Variants in ETV5 observed in about 807,000 individuals in gnomAD.
ETV5 encodes ETS variant transcription factor 5.
Under a neutral mutation model 70.0 loss-of-function variants are expected in ETV5, and 10 were observed. That is an observed-to-expected ratio of 0.14 (90% CI 0.09 to 0.24). The LOEUF is 0.24. ETV5 is among the 10% of genes least tolerant of loss of function. The pLI is 1.00. For missense variants in ETV5, 453 were observed against 651.2 expected (o/e 0.70, Z 3.31); for synonymous variants, 216 against 242.2 (o/e 0.89, Z 1.01).
chr3:186,058,511 A>G (rs1713221862), intron 9 of ETV5, among the ~76,000 whole-genome samples: 1 of 152,162 alleles, frequency 6.6e-6, no homozygotes, highest in Non-Finnish European at 1.5e-5. Context: ...TGTGTTGGAT[A>G]ATGCAGTGGG....
intron 7 of ETV5, chr3:186,076,525 G>GC (rs1713794825): frequency 5.5e-6 from 1 of 182,650 alleles, no homozygotes; most frequent in African/African-American, 2.4e-5. Context: ...ACTCCCGAGG[G>GC]CAAGTGATCC....
In ETV5 at chr3:186,052,123, C is replaced by T. The variant is rs757630181; in HGVS notation, c.1218G>A (p.Arg406=). ...GCCGGTTCTTCTGGATGCCCCAGCG[C>T]CGAGCAACCTGAAGAGACAGGAAAG... is the stretch of plus-strand genomic sequence containing the variant. ...FKLIEPEEVA[R]RWGIQKNRPA... Residue 406 remains arginine, a synonymous_variant, in exon 12 of 13, where the codon CGG becomes CGA. Coordinates refer to ENST00000306376, the MANE Select transcript of ETV5 (RefSeq NM_004454.3). This position sits in a 1 kb window ranked among gnomAD's most constrained non-coding sequence, Gnocchi z 4.5. The T allele has an allele frequency of 4.3e-6, 7 of 1,613,570 alleles. No homozygotes were observed. In the East Asian group the frequency reaches 1.6e-4, roughly 36 times the overall value.
Position 186,108,554 on chromosome 3 carries a change from C to A in ETV5, c.-75+386G>T. The A allele has an allele frequency of 3.1e-6, 4 of 1,272,976 alleles. No homozygotes were observed. In the South Asian group the frequency reaches 5.1e-5, roughly 16 times the overall value. The allele number at this position is 1,272,976 out of a possible 1,614,324, so 78.9% of individuals were successfully genotyped here. On this transcript the variant is annotated intron_variant, in intron 1 of 12. Transcript: ENST00000306376. Reference sequence around the variant, plus strand: ...CCCCCTCCTCCCAACTGCGGAGCTCCGCCAAGCGTCTCTTCTCGCGAGCCT... The same window carrying A: ...CCCCCTCCTCCCAACTGCGGAGCTCAGCCAAGCGTCTCTTCTCGCGAGCCT...
chr3:186,057,387 T>C lies in ETV5; in HGVS notation c.1039+36A>G. ...TGAGGTGTTCTGACACCTCCAAACC[T>C]CTACCTGGCAACAAACCTTGGATGG... On this transcript the variant is annotated intron_variant, in intron 10 of 12. Transcript: ENST00000306376. The surrounding 1 kb of genome is among the most constrained non-coding windows in gnomAD (Gnocchi z 4.9). The C allele has an allele frequency of 6.2e-7, 1 of 1,612,142 alleles. No individual in the cohort carries two copies. Among genetic ancestry groups the C allele is most frequent in the Non-Finnish European group, 8.5e-7 (1 of 1,178,200 alleles).
intron 11 of ETV5, among the ~76,000 whole-genome samples, chr3:186,055,896 A>C (rs751862951): frequency 6.6e-6 from 1 of 152,220 alleles, no homozygotes; most frequent in Non-Finnish European, 1.5e-5. Context: ...CAATTTAATT[A>C]TACCCAACCC....
chr3:186,069,628 G>A (rs1372276640), intron 7 of ETV5, among the ~76,000 whole-genome samples: 5 of 151,436 alleles, frequency 3.3e-5, no homozygotes, highest in Non-Finnish European at 5.9e-5. Context: ...TCCGCCTCCC[G>A]GGATCAAGTG....
chr3:186,105,074 T>A lies in ETV5; in HGVS notation c.232+231A>T. 1 of 426,592 alleles carries A rather than the reference T, an allele frequency of 2.3e-6. No individual in the cohort carries two copies. Among genetic ancestry groups the A allele is most frequent in the South Asian group, 4.0e-5 (1 of 24,974 alleles). 26.4% of individuals were successfully genotyped at this position (426,592 alleles called of 1,614,324 possible). A position where few individuals can be genotyped will look rare whatever the true frequency, so the allele number is the denominator to read the frequency against. ...CAATATTCTTAAGGTAAAAAGAAATTTAGGATAAAATTATGTTCAGTAAAT... is the reference window on the plus strand; with the variant it reads ...CAATATTCTTAAGGTAAAAAGAAATATAGGATAAAATTATGTTCAGTAAAT... On this transcript the variant is annotated intron_variant, in intron 5 of 12. Transcript: ENST00000306376. This position sits in a 1 kb window ranked among gnomAD's most constrained non-coding sequence, Gnocchi z 4.5.
At position 186,047,792 on chromosome 3, in the gene ETV5, T is replaced by C. The variant is rs1712916961; in HGVS notation, c.*847A>G. 1 of 99,282 alleles carries C rather than the reference T, an allele frequency of 1.0e-5. No homozygotes were observed. Among genetic ancestry groups the C allele is most frequent in the Non-Finnish European group, 1.8e-5 (1 of 55,108 alleles). The allele number at this position is 99,282 out of a possible 1,614,324, so 6.2% of individuals were successfully genotyped here. A position where few individuals can be genotyped will look rare whatever the true frequency, so the allele number is the denominator to read the frequency against. On this transcript the variant is annotated 3_prime_UTR_variant, in exon 13 of 13. Coordinates refer to ENST00000306376, the MANE Select transcript of ETV5 (RefSeq NM_004454.3). Reference sequence around the variant, plus strand: ...ACAGTTACCAAAAGGTTTGTTTTTGTTTTTTGTTTTTCGTTTTTTTGCTTT... The same window carrying C: ...ACAGTTACCAAAAGGTTTGTTTTTGCTTTTTGTTTTTCGTTTTTTTGCTTT...
chr3:186,069,677 AG>A (rs1451996550), intron 7 of ETV5, among the ~76,000 whole-genome samples: 2 of 152,086 alleles, frequency 1.3e-5, no homozygotes, highest in African/African-American at 2.4e-5. Flanking sequence ...TGCGATTTTT[AG>A]TAGAAACGGG....
rs76222475 is a variant in ETV5, at chr3:186,094,927, C to T, written c.232+10378G>A. Among the ~76,000 whole-genome samples, 5 of 152,234 alleles carry T rather than the reference C, an allele frequency of 3.3e-5. No individual in the cohort carries two copies. The East Asian group carries it at 9.7e-4, about 29-fold the overall frequency. On this transcript the variant is annotated intron_variant, in intron 5 of 12. Transcript: ENST00000306376. ...ACCGCCCCCTTTCGACTACCATAGGCTTCTTTTAGACCTACAGCCACAGAG... is the reference window on the plus strand; with the variant it reads ...ACCGCCCCCTTTCGACTACCATAGGTTTCTTTTAGACCTACAGCCACAGAG...
At chr3:186,067,651 A>T (rs1272731462) in intron 7 of ETV5, among the ~76,000 whole-genome samples, 2 of 152,192 alleles carry the variant, frequency 1.3e-5, no homozygotes, top group Non-Finnish European at 2.9e-5. Flanking sequence ...AAGTAAATAT[A>T]TATGAAAACT....
chr3:186,052,161 G>A lies in ETV5; in HGVS notation c.1210-30C>T, dbSNP rs370181520. The A allele has an allele frequency of 1.2e-4, 186 of 1,602,246 alleles. No homozygotes were observed. In the African/African-American group the frequency reaches 2.3e-3, roughly 20 times the overall value. ...AGAGACAGGAAAGTGAAGAGCAATG[G>A]AAACGCATTCCCTGGGCCCCATGTT... On this transcript the variant is annotated intron_variant, in intron 11 of 12. Transcript: ENST00000306376. This position sits in a 1 kb window ranked among gnomAD's most constrained non-coding sequence, Gnocchi z 4.5.
chr3:186,053,909 A>G (rs939216432), intron 11 of ETV5, among the ~76,000 whole-genome samples: 5 of 152,254 alleles, frequency 3.3e-5, no homozygotes, highest in African/African-American at 1.2e-4. Flanking sequence ...GCTGTCTGCC[A>G]CAAGTGACAC....
intron 5 of ETV5, among the ~76,000 whole-genome samples, chr3:186,085,407 A>T (rs1714032727): frequency 1.3e-5 from 2 of 151,864 alleles, no homozygotes; most frequent in African/African-American, 2.4e-5. Flanking sequence ...CCACTCAAGG[A>T]CTTACACCTT....
At position 186,048,625 on chromosome 3, in the gene ETV5, C is replaced by A. The variant is rs55787444; in HGVS notation, c.*14G>T. 6.2e-7 allele frequency: 1 copy of A among 1,612,548 alleles called. No individual in the cohort carries two copies. Among genetic ancestry groups the A allele is most frequent in the South Asian group, 1.1e-5 (1 of 91,024 alleles). Reference sequence around the variant, plus strand: ...TGCTAGCTCTAGGGTTTGGCCACTCCGCCACTCAGAAACTTAGTAAGCAAA... The same window carrying A: ...TGCTAGCTCTAGGGTTTGGCCACTCAGCCACTCAGAAACTTAGTAAGCAAA... On this transcript the variant is annotated 3_prime_UTR_variant, in exon 13 of 13. Transcript: ENST00000306376.
At chr3:186,089,341 G>A (rs188780014) in intron 5 of ETV5, among the ~76,000 whole-genome samples, 6 of 152,286 alleles carry the variant, frequency 3.9e-5, no homozygotes, top group Admixed American at 6.5e-5. Flanking sequence ...AGAATGTGCC[G>A]TTTTTCTTTA....
At chr3:186,086,196 A>G (rs1273846679) in intron 5 of ETV5, among the ~76,000 whole-genome samples, 2 of 152,258 alleles carry the variant, frequency 1.3e-5, no homozygotes, top group Non-Finnish European at 2.9e-5. Flanking sequence ...GTTAGCTGAT[A>G]AGATGTAATT....
rs1032671209 is a variant in ETV5, at chr3:186,046,833, G to A, written c.*1806C>T. On this transcript the variant is annotated 3_prime_UTR_variant, in exon 13 of 13. Coordinates refer to ENST00000306376, the MANE Select transcript of ETV5 (RefSeq NM_004454.3). ...AAGCTATAAATATGGTTTAGAAAGAGTCCTTTGATTAGAGTACAATGCTAA... is the reference window on the plus strand; with the variant it reads ...AAGCTATAAATATGGTTTAGAAAGAATCCTTTGATTAGAGTACAATGCTAA... 4.3e-6 allele frequency: 1 copy of A among 232,086 alleles called. No homozygotes were observed. Among genetic ancestry groups the A allele is most frequent in the Non-Finnish European group, 8.5e-6 (1 of 117,128 alleles). 14.4% of individuals were successfully genotyped at this position (232,086 alleles called of 1,614,324 possible). A position where few individuals can be genotyped will look rare whatever the true frequency, so the allele number is the denominator to read the frequency against.
chr3:186,055,694 T>C lies in ETV5; in HGVS notation c.1209+1381A>G, dbSNP rs1713143581. Reference sequence around the variant, plus strand: ...TCATAAATTTCTAATCCACACATTCTCCTCCTTTTCCCATTTGAATCTTTA... The same window carrying C: ...TCATAAATTTCTAATCCACACATTCCCCTCCTTTTCCCATTTGAATCTTTA... On this transcript the variant is annotated intron_variant, in intron 11 of 12. Transcript: ENST00000306376. Among the ~76,000 whole-genome samples the C allele has an allele frequency of 5.9e-5, 9 of 152,166 alleles. No individual in the cohort carries two copies. The South Asian group carries it at 1.9e-3, about 32-fold the overall frequency.
Sources: allele counts gnomAD v4.1 joint callset (sites outside exome capture counted in the v4.1 genomes callset), GRCh38; gene constraint gnomAD v4.1.1; non-coding constraint Gnocchi (gnomAD v3.1); transcripts MANE v1.5; gene names NCBI Gene and HGNC (gene_info 2026-07-23, HGNC 2026-07-21).